The following SFMBT1 variants were observed in gnomAD, a reference collection of about 807,000 sequenced individuals.
SFMBT1 encodes the protein Scm like with four mbt domains 1.
Under a neutral mutation model 108.7 loss-of-function variants are expected in SFMBT1, and 32 were observed. The observed-to-expected ratio is 0.29, with a 90% CI of 0.22 to 0.40. The LOEUF (loss-of-function observed/expected upper bound fraction) is 0.40, where lower values mean the gene tolerates loss of function less well. Ranked by LOEUF, SFMBT1 falls within the 10% of genes least tolerant of loss-of-function variation. The probability of loss-of-function intolerance (pLI) is 1.00; values close to 1 mark genes in which losing one functional copy is unlikely to be tolerated. For synonymous variants in SFMBT1, 348 were observed against 369.5 expected, an observed-to-expected ratio of 0.94 and a Z score of 0.67; for missense variants, 816 against 1,059.6, an observed-to-expected ratio of 0.77 and a Z score of 3.19.
chr3:53,035,949 T>C (rs1321982724), intron 1 of SFMBT1, among the ~76,000 whole-genome samples: 1 of 152,232 alleles, frequency 6.6e-6, no homozygotes, highest in African/African-American at 2.4e-5. Flanking sequence ...GTCTCAGCAT[T>C]TGATGAAGCT....
At chr3:53,034,707 C>T (rs540899851) in intron 1 of SFMBT1, among the ~76,000 whole-genome samples, 26 of 152,194 alleles carry the variant, frequency 1.7e-4, no homozygotes, top group African/African-American at 5.5e-4. Context: ...GAGGCTGAGG[C>T]GGGCAGATCA....
intron 8 of SFMBT1, among the ~76,000 whole-genome samples, chr3:52,929,348 T>G (rs921113395): frequency 1.4e-4 from 22 of 152,158 alleles, no homozygotes; most frequent in African/African-American, 5.1e-4. Context: ...CAAGCGATTC[T>G]CTCACCTCAG....
chr3:52,975,334 T>C (rs1348024349), intron 1 of SFMBT1, among the ~76,000 whole-genome samples: 1 of 152,210 alleles, frequency 6.6e-6, no homozygotes, highest in Non-Finnish European at 1.5e-5. Context: ...GGGCATTTTT[T>C]TTCTTCTGAT....
chr3:52,959,634 C>T (rs1703895384), intron 2 of SFMBT1, among the ~76,000 whole-genome samples: 1 of 152,180 alleles, frequency 6.6e-6, no homozygotes, highest in Admixed American at 6.5e-5. Flanking sequence ...TGTTCGTCTT[C>T]AGAAAGGCAA....
At chr3:53,037,827 G>C (rs1203887279) in intron 1 of SFMBT1, among the ~76,000 whole-genome samples, 1 of 152,096 alleles carries the variant, frequency 6.6e-6, no homozygotes, top group African/African-American at 2.4e-5. Flanking sequence ...ATGTTTTAAA[G>C]GCCCGGCGCA....
chr3:52,910,855 C>A, intron 17 of SFMBT1, 148 bp downstream of exon 17: 1 of 655,214 alleles, frequency 1.5e-6, no homozygotes. Flanking sequence ...AGCATATGAC[C>A]CACAACATGA....
intron 2 of SFMBT1, among the ~76,000 whole-genome samples, chr3:52,961,818 C>G (rs987277858): frequency 3.9e-5 from 6 of 152,112 alleles, no homozygotes; most frequent in African/African-American, 1.4e-4. Context: ...CTTAACAAGG[C>G]TGGGCATTCG....
At chr3:52,998,110 G>A (rs1373645899) in intron 1 of SFMBT1, among the ~76,000 whole-genome samples, 1 of 150,426 alleles carries the variant, frequency 6.6e-6, no homozygotes, top group African/African-American at 2.4e-5. Flanking sequence ...AAATTCTAGT[G>A]TTCATAAGAA....
At chr3:52,969,353 A>T in intron 1 of SFMBT1, 95 bp from the exon 2 acceptor site, 1 of 1,272,238 alleles carries the variant, frequency 7.9e-7, no homozygotes. Flanking sequence ...GAGATGACAT[A>T]AGACAAAAAC....
chr3:52,915,329 A>G (rs1216426749), intron 14 of SFMBT1, among the ~76,000 whole-genome samples: 1 of 152,228 alleles, frequency 6.6e-6, no homozygotes, highest in Non-Finnish European at 1.5e-5. Context: ...TGGTTTCAGT[A>G]GGCATTCGAA....
At chr3:53,001,192 C>T (rs1040671476) in intron 1 of SFMBT1, among the ~76,000 whole-genome samples, 4 of 150,306 alleles carry the variant, frequency 2.7e-5, no homozygotes, top group Admixed American at 1.3e-4. Context: ...AGGTTCTACA[C>T]TACATAAACA....
intron 4 of SFMBT1, among the ~76,000 whole-genome samples, chr3:52,935,781 C>T (rs1000504207): frequency 4.6e-5 from 7 of 152,148 alleles, no homozygotes; most frequent in South Asian, 2.1e-4. Context: ...GTGAGACGCA[C>T]GCATTGCAAA....
intron 4 of SFMBT1, among the ~76,000 whole-genome samples, chr3:52,939,947 A>AT (rs1388684773): frequency 1.3e-5 from 2 of 150,832 alleles, no homozygotes; most frequent in East Asian, 3.9e-4. Context: ...TTTATTTATA[A>AT]TTTTTTTCAC....
At chr3:53,042,763 A>G (rs539447407) in intron 1 of SFMBT1, among the ~76,000 whole-genome samples, 48 of 151,666 alleles carry the variant, frequency 3.2e-4, no homozygotes, top group Non-Finnish European at 6.5e-4. Flanking sequence ...TAAAAATGTA[A>G]TAGATTTTAA....
At chr3:52,965,036 T>A (rs1704085629) in intron 2 of SFMBT1, among the ~76,000 whole-genome samples, 1 of 151,982 alleles carries the variant, frequency 6.6e-6, no homozygotes. Context: ...CATTTCAAAG[T>A]CCTAAAATTA....
At chr3:52,961,400 T>C (rs6770957) in intron 2 of SFMBT1, among the ~76,000 whole-genome samples, 36,810 of 152,006 alleles carry the variant, frequency 0.24, 4,765 homozygotes, top group Admixed American at 0.36. Flanking sequence ...GCCAATAAAC[T>C]ATACACTTAA....
chr3:52,920,181 T>A (rs1168392038), intron 12 of SFMBT1, among the ~76,000 whole-genome samples: 3 of 152,192 alleles, frequency 2.0e-5, no homozygotes, highest in Non-Finnish European at 4.4e-5. Flanking sequence ...CAGTGTATGG[T>A]ATTTTGTTAC....
chr3:53,022,449 C>CAAAA (rs34744052), intron 1 of SFMBT1, among the ~76,000 whole-genome samples: 2 of 40,620 alleles, frequency 4.9e-5, no homozygotes, highest in East Asian at 8.1e-4. Flanking sequence ...GGTGCTGTCT[C>CAAAA]AAAAAAAAAA....
At chr3:53,020,863 C>A (rs1699281947) in intron 1 of SFMBT1, among the ~76,000 whole-genome samples, 1 of 152,116 alleles carries the variant, frequency 6.6e-6, no homozygotes, top group Non-Finnish European at 1.5e-5. Flanking sequence ...TTGAGACCAG[C>A]CTGGCCAACA....
Sources: allele counts gnomAD v4.1 joint callset (sites outside exome capture counted in the v4.1 genomes callset), GRCh38; gene constraint gnomAD v4.1.1; transcripts MANE v1.5; gene names NCBI Gene and HGNC (gene_info 2026-07-23, HGNC 2026-07-21).